The following TFCP2L1 variants were observed in gnomAD, a reference collection of about 807,000 sequenced individuals.
TFCP2L1 encodes transcription factor CP2-like protein 1.
In TFCP2L1, 12 loss-of-function variants were observed where a neutral mutation model predicts 72.2. That is an observed-to-expected ratio of 0.17 (90% CI 0.11 to 0.27). The LOEUF (loss-of-function observed/expected upper bound fraction) is 0.27, where lower values mean the gene tolerates loss of function less well. Among genes scored for constraint, TFCP2L1 ranks in the 10% least tolerant of loss-of-function variants. TFCP2L1 has a pLI of 1.00. For synonymous variants in TFCP2L1, 260 were observed against 251.0 expected, an observed-to-expected ratio of 1.04 and a Z score of -0.34; for missense variants, 488 against 624.6, an observed-to-expected ratio of 0.78 and a Z score of 2.33.
At chr2:121,238,396 G>A (rs984660703) in intron 8 of TFCP2L1, among the ~76,000 whole-genome samples, 4 of 152,196 alleles carry the variant, frequency 2.6e-5, no homozygotes, top group Non-Finnish European at 5.9e-5. Flanking sequence ...TCTCCCGAGA[G>A]GGGGTGCACA....
intron 14 of TFCP2L1, among the ~76,000 whole-genome samples, chr2:121,225,131 G>A (rs1686001496): frequency 1.3e-5 from 2 of 152,182 alleles, no homozygotes; most frequent in South Asian, 4.1e-4. Flanking sequence ...GAAGGCCACA[G>A]CAGATCTTTC....
intron 9 of TFCP2L1, 40 bp downstream of exon 9, chr2:121,237,762 C>G (rs772072349): frequency 3.1e-6 from 5 of 1,613,858 alleles, no homozygotes; most frequent in Admixed American, 1.7e-5. Flanking sequence ...TCAGGGCCCA[C>G]GAGGGACCAC....
At chr2:121,264,379 G>C (rs558698716) in intron 2 of TFCP2L1, among the ~76,000 whole-genome samples, 1 of 152,340 alleles carries the variant, frequency 6.6e-6, no homozygotes, top group African/African-American at 2.4e-5. Context: ...TCTATTCCCA[G>C]CCTCTGGCTG....
At chr2:121,251,302 CAG>C (rs1417396564) in intron 2 of TFCP2L1, among the ~76,000 whole-genome samples, 2 of 152,000 alleles carry the variant, frequency 1.3e-5, no homozygotes, top group East Asian at 3.9e-4. Context: ...TACCTTGTGC[CAG>C]CATCCCCCAC....
chr2:121,239,316 C>G (rs553421529), intron 8 of TFCP2L1, among the ~76,000 whole-genome samples: 62 of 152,326 alleles, frequency 4.1e-4, no homozygotes, highest in African/African-American at 1.4e-3. Flanking sequence ...CCGCATGCAC[C>G]CTCAAGCCAG....
chr2:121,240,450 CACCA>C lies in TFCP2L1; in HGVS notation c.769-805_769-802del, dbSNP rs1686345997. On this transcript the variant is annotated intron_variant, in intron 7 of 14. Transcript: ENST00000263707. ...GCATTCCCGAAGATTTACTATCACC[CACCA>C]AACTATAGTGTTGGTAAATATTTAA... 1.6e-5 allele frequency: 16 copies of C among 985,406 alleles called. No homozygotes were observed. The South Asian group carries it at 6.6e-4, about 41-fold the overall frequency. 61.0% of individuals were successfully genotyped at this position (985,406 alleles called of 1,614,324 possible).
chr2:121,275,408 A>AAAAAAAAAAAG (rs2104760320), intron 2 of TFCP2L1, among the ~76,000 whole-genome samples: 1 of 150,866 alleles, frequency 6.6e-6, no homozygotes, highest in Non-Finnish European at 1.5e-5. Flanking sequence ...CAAAAAAAAA[A>AAAAAAAAAAAG]AAAAAAAGAA....
intron 10 of TFCP2L1, 80 bp downstream of exon 10, chr2:121,237,543 C>A: frequency 6.6e-7 from 1 of 1,505,182 alleles, no homozygotes; most frequent in Non-Finnish European, 9.2e-7. Context: ...CCAGTGTTGA[C>A]AGCAAGGCCT....
At chr2:121,263,084 C>T (rs537358588) in intron 2 of TFCP2L1, among the ~76,000 whole-genome samples, 60 of 152,110 alleles carry the variant, frequency 3.9e-4, no homozygotes, top group Non-Finnish European at 6.0e-4. Context: ...TACAGGCATG[C>T]GCCACCACGT....
intron 6 of TFCP2L1, 140 bp from the exon 7 acceptor site, chr2:121,242,609 C>T: frequency 1.3e-6 from 1 of 745,014 alleles, no homozygotes; most frequent in South Asian, 1.6e-5. Flanking sequence ...ATCTCCCCTC[C>T]CATTCTGCCT....
intron 2 of TFCP2L1, among the ~76,000 whole-genome samples, chr2:121,268,362 T>A (rs950202756): frequency 6.6e-6 from 1 of 152,128 alleles, no homozygotes; most frequent in Non-Finnish European, 1.5e-5. Context: ...CATTTATTTA[T>A]TTATTTATTT....
chr2:121,244,350 C>T (rs1238264233), intron 6 of TFCP2L1, among the ~76,000 whole-genome samples: 1 of 152,206 alleles, frequency 6.6e-6, no homozygotes, highest in South Asian at 2.1e-4. Context: ...GACCGGCGAA[C>T]GGAGGGGTGA....
chr2:121,271,304 A>G (rs1479062949), intron 2 of TFCP2L1, among the ~76,000 whole-genome samples: 1 of 152,188 alleles, frequency 6.6e-6, no homozygotes, highest in Non-Finnish European at 1.5e-5. Context: ...ATATAAGGTT[A>G]TATGCATGTT....
At chr2:121,281,933 T>TTTG (rs1687270848) in intron 1 of TFCP2L1, among the ~76,000 whole-genome samples, 1 of 72,798 alleles carries the variant, frequency 1.4e-5, no homozygotes, top group Admixed American at 1.8e-4. Flanking sequence ...GTTGTTTTTT[T>TTTG]TGGGCGGGGG....
At chr2:121,245,592 C>T (rs1686464133) in intron 6 of TFCP2L1, among the ~76,000 whole-genome samples, 2 of 152,196 alleles carry the variant, frequency 1.3e-5, no homozygotes, top group Non-Finnish European at 1.5e-5. Flanking sequence ...GCCAGGGCCT[C>T]AGAACCCTGT....
At chr2:121,236,653 T>G (rs1273676536) in intron 10 of TFCP2L1, among the ~76,000 whole-genome samples, 1 of 152,090 alleles carries the variant, frequency 6.6e-6, no homozygotes, top group Non-Finnish European at 1.5e-5. Flanking sequence ...CTTCCACTGT[T>G]CTTCCAGGGC....
chr2:121,250,226 C>G (rs1367767945), intron 2 of TFCP2L1, among the ~76,000 whole-genome samples: 1 of 152,006 alleles, frequency 6.6e-6, no homozygotes, highest in Non-Finnish European at 1.5e-5. Flanking sequence ...GAAAAAACAT[C>G]CATCCATAAC....
chr2:121,243,411 G>A (rs1686417665), intron 6 of TFCP2L1, among the ~76,000 whole-genome samples: 1 of 152,212 alleles, frequency 6.6e-6, no homozygotes, highest in South Asian at 2.1e-4. Context: ...TCTTACAGCA[G>A]TGGTCCTCAA....
At position 121,231,937 on chromosome 2, in the gene TFCP2L1, G is replaced by A. The variant is rs776257071; in HGVS notation, c.1230C>T (p.Thr410=). 10 of 1,608,988 alleles carry A rather than the reference G, an allele frequency of 6.2e-6. No individual in the cohort carries two copies. The highest frequency in any genetic ancestry group is 1.3e-5 in the African/African-American group (1 of 74,796). ...CGATCTTCTCAATCAGCTCCAAGGT[G>A]GTCAGCTCTTCCAGGAAGATGGCGT... is the stretch of plus-strand genomic sequence containing the variant. The part of the protein sequence containing the change: ...VYHAIFLEEL[T]TLELIEKIAN... Residue 410 remains threonine (T), a synonymous_variant, in exon 13 of 15, where the codon ACC becomes ACT. Coordinates refer to ENST00000263707, the MANE Select transcript of TFCP2L1 (RefSeq NM_014553.3).
Sources: gnomAD v4.1 joint callset for allele counts (sites outside exome capture counted in the v4.1 genomes callset) on GRCh38, gnomAD v4.1.1 for gene constraint, MANE v1.5 for transcripts, NCBI Gene and HGNC (gene_info 2026-07-23, HGNC 2026-07-21) for gene names.